Variants in EGFLAM observed in about 807,000 individuals in gnomAD.
EGFLAM encodes the protein EGF like, fibronectin type III and laminin G domains.
In EGFLAM, 79 loss-of-function variants were observed where a neutral mutation model predicts 113.1. That is an observed-to-expected ratio of 0.70 (90% confidence interval 0.58 to 0.84). EGFLAM has a LOEUF of 0.84. EGFLAM is among the 40% of genes least tolerant of loss of function. The pLI is 0.00. For synonymous variants in EGFLAM, 504 were observed against 487.6 expected (o/e 1.03, Z -0.44); for missense variants, 1,265 against 1,291.6 (o/e 0.98, Z 0.32).
chr5:38,461,039 A>T (rs1009087283), intron 20 of EGFLAM: 1 of 152,246 alleles, frequency 6.6e-6, no homozygotes, highest in African/African-American at 2.4e-5. Flanking sequence ...GATAAAAATG[A>T]TAATGATATT....
At chr5:38,352,790 G>A (rs1336879744) in intron 5 of EGFLAM, among the ~76,000 whole-genome samples, 1 of 152,156 alleles carries the variant, frequency 6.6e-6, no homozygotes. Flanking sequence ...ACTTAGGCCA[G>A]TAATGATCTC....
In EGFLAM at chr5:38,346,346, G is replaced by A. The variant is rs147917988; in HGVS notation, c.292-4155G>A. ...ACATTATTTAATATTTTTTGTACAT[G>A]TACTGGCCAATTAGAACTTGGGCAT... On this transcript the variant is annotated intron_variant, in intron 3 of 21. Coordinates refer to ENST00000322350, the MANE Select transcript of EGFLAM (RefSeq NM_152403.4). 3.3e-5 allele frequency: 5 copies of A among 152,254 alleles called. No homozygotes were observed. The East Asian group carries it at 9.6e-4, about 29-fold the overall frequency. 9.4% of individuals were successfully genotyped at this position (152,254 alleles called of 1,614,324 possible). A position where few individuals can be genotyped will look rare whatever the true frequency, so the allele number is the denominator to read the frequency against.
In EGFLAM at chr5:38,455,250, A is replaced by G. The variant is rs141562002; in HGVS notation, c.2688-3061A>G. Among the ~76,000 whole-genome samples the G allele has an allele frequency of 1.9e-4, 29 of 152,306 alleles. No homozygotes were observed. The East Asian group carries it at 3.7e-3, about 19-fold the overall frequency. On this transcript the variant is annotated intron_variant, in intron 19 of 21. Coordinates refer to ENST00000322350, the MANE Select transcript of EGFLAM (RefSeq NM_152403.4). ...TTTCCAAAAGGCCTCACCTGAAGGT[A>G]TTTCCGGGTGGCCCACCTTGGTGCT...
intron 6 of EGFLAM, among the ~76,000 whole-genome samples, chr5:38,404,190 T>C (rs1309183432): frequency 6.6e-6 from 1 of 152,206 alleles, no homozygotes; most frequent in East Asian, 1.9e-4. Flanking sequence ...TTCAATCTGA[T>C]TGCTATTCTG....
At chr5:38,378,527 C>T (rs1423959831) in intron 6 of EGFLAM, among the ~76,000 whole-genome samples, 1 of 152,210 alleles carries the variant, frequency 6.6e-6, no homozygotes, top group Non-Finnish European at 1.5e-5. Flanking sequence ...GTGGCATGTT[C>T]TGGGGATGGC....
intron 6 of EGFLAM, among the ~76,000 whole-genome samples, chr5:38,379,562 A>T (rs1367851498): frequency 1.3e-5 from 2 of 152,008 alleles, no homozygotes; most frequent in African/African-American, 4.8e-5. Context: ...CTTTTGGAGG[A>T]TCAGTCTTCA....
At chr5:38,443,298 TG>T (rs1267661258) in intron 17 of EGFLAM, among the ~76,000 whole-genome samples, 1 of 152,164 alleles carries the variant, frequency 6.6e-6, no homozygotes, top group Non-Finnish European at 1.5e-5. Context: ...ATTAGAGTCA[TG>T]CTTTGATGTA....
intron 14 of EGFLAM, 69 bp from the exon 15 acceptor site, chr5:38,431,108 A>T: frequency 7.5e-7 from 1 of 1,326,768 alleles, no homozygotes; most frequent in Non-Finnish European, 1.1e-6. Context: ...ATGTTGTACC[A>T]GCTATCTGGG....
At chr5:38,445,971 G>A (rs1433849447) in intron 17 of EGFLAM, among the ~76,000 whole-genome samples, 1 of 152,088 alleles carries the variant, frequency 6.6e-6, no homozygotes, top group African/African-American at 2.4e-5. Context: ...AAGGAGTTCA[G>A]GGGAAAGATG....
intron 1 of EGFLAM, among the ~76,000 whole-genome samples, chr5:38,316,498 T>C (rs893045536): frequency 9.2e-5 from 14 of 152,210 alleles, no homozygotes; most frequent in Non-Finnish European, 5.9e-5. Context: ...GCCTGCCTAG[T>C]AGAGTTGTTG....
chr5:38,304,510 G>T (rs1195147832), intron 1 of EGFLAM, among the ~76,000 whole-genome samples: 1 of 152,200 alleles, frequency 6.6e-6, no homozygotes, highest in Non-Finnish European at 1.5e-5. Flanking sequence ...ATTTAGGTCA[G>T]ACTTGTTCCT....
chr5:38,411,216 T>C (rs2112141145), intron 10 of EGFLAM, among the ~76,000 whole-genome samples: 1 of 152,136 alleles, frequency 6.6e-6, no homozygotes, highest in South Asian at 2.1e-4. Context: ...GATCACGAGG[T>C]CAGGAGATCG....
chr5:38,336,463 A>G (rs1031235732), intron 1 of EGFLAM, among the ~76,000 whole-genome samples: 2 of 151,730 alleles, frequency 1.3e-5, no homozygotes, highest in Non-Finnish European at 2.9e-5. Flanking sequence ...AGTCCCAGCT[A>G]CTCCGGAGGC....
chr5:38,425,551 A>G (rs1273238091), intron 13 of EGFLAM, among the ~76,000 whole-genome samples: 2 of 152,134 alleles, frequency 1.3e-5, no homozygotes, highest in Non-Finnish European at 2.9e-5. Flanking sequence ...GATGGGGGAA[A>G]CTTTTTAAAC....
At chr5:38,264,160 A>G (rs1757572915) in intron 1 of EGFLAM, among the ~76,000 whole-genome samples, 1 of 151,828 alleles carries the variant, frequency 6.6e-6, no homozygotes, top group African/African-American at 2.4e-5. Flanking sequence ...ACATTTATTA[A>G]CTCTCTGGCA....
Position 38,447,720 on chromosome 5 carries a change from C to T in EGFLAM, c.2465-581C>T, listed in dbSNP as rs1216644014. On this transcript the variant is annotated intron_variant, in intron 17 of 21. Transcript: ENST00000322350. Reference sequence around the variant, plus strand: ...GCAGTGAGCCAAGATCGCGCCATTTCACTCCAGCATGGGCAACCAGAGCGA... The same window carrying T: ...GCAGTGAGCCAAGATCGCGCCATTTTACTCCAGCATGGGCAACCAGAGCGA... Among the ~76,000 whole-genome samples, 7 of 148,512 alleles carry T rather than the reference C, an allele frequency of 4.7e-5. No individual in the cohort carries two copies. The East Asian group carries it at 1.4e-3, about 29-fold the overall frequency.
chr5:38,355,142 ATATATAAGGGTG>A (rs1739733253), intron 5 of EGFLAM, among the ~76,000 whole-genome samples: 1 of 152,152 alleles, frequency 6.6e-6, no homozygotes, highest in Non-Finnish European at 1.5e-5. Context: ...AGGAGGATAT[ATATATAAGGGTG>A]TGTTAGTGAA....
At chr5:38,348,779 G>T (rs148276333) in intron 3 of EGFLAM, among the ~76,000 whole-genome samples, 3 of 152,064 alleles carry the variant, frequency 2.0e-5, no homozygotes, top group Non-Finnish European at 2.9e-5. Context: ...GAAGGATCTG[G>T]TAGATACTGG....
chr5:38,307,784 C>T (rs1184753308), intron 1 of EGFLAM, among the ~76,000 whole-genome samples: 2 of 152,232 alleles, frequency 1.3e-5, no homozygotes, highest in Non-Finnish European at 2.9e-5. Flanking sequence ...ACTGCTTAGA[C>T]ATGCAGGGGA....
Sources: gnomAD v4.1 joint callset for allele counts (sites outside exome capture counted in the v4.1 genomes callset) on GRCh38, gnomAD v4.1.1 for gene constraint, MANE v1.5 for transcripts, NCBI Gene and HGNC (gene_info 2026-07-23, HGNC 2026-07-21) for gene names.